The following CNBD1 variants were observed in gnomAD, a reference collection of about 807,000 sequenced individuals.
CNBD1 encodes cyclic nucleotide binding domain containing 1, also known as cyclic nucleotide-binding domain-containing protein 1.
In CNBD1, 71 loss-of-function variants were observed where a neutral mutation model predicts 54.4. The observed-to-expected ratio is 1.30, with a 90% confidence interval of 1.08 to 1.59. The LOEUF is 1.59. CNBD1 is among the 40% of genes most tolerant of loss of function. The pLI is 0.00. For missense variants in CNBD1, 659 were observed against 518.0 expected (o/e 1.27, Z -2.64); for synonymous variants, 182 against 170.7 (o/e 1.07, Z -0.51).
chr8:87,032,148 G>T (rs756977043), intron 4 of CNBD1, among the ~76,000 whole-genome samples: 7 of 152,124 alleles, frequency 4.6e-5, no homozygotes, highest in Non-Finnish European at 8.8e-5. Context: ...ACATTTAATG[G>T]TATGGATCTT....
chr8:87,359,706 G>C (rs1810491263), intron 10 of CNBD1, among the ~76,000 whole-genome samples: 1 of 152,010 alleles, frequency 6.6e-6, no homozygotes, highest in South Asian at 2.1e-4. Context: ...TCAAGAGAAA[G>C]TAAAATGAGT....
At chr8:87,033,027 A>G (rs1164286223) in intron 4 of CNBD1, among the ~76,000 whole-genome samples, 1 of 152,156 alleles carries the variant, frequency 6.6e-6, no homozygotes. Context: ...TGACTCTATC[A>G]TAAACCCTGT....
intron 2 of CNBD1, among the ~76,000 whole-genome samples, chr8:86,895,000 T>C (rs531072443): frequency 3.8e-4 from 58 of 152,282 alleles, no homozygotes; most frequent in African/African-American, 1.3e-3. Context: ...ATAGAGAAGA[T>C]AGAGAAAGAC....
rs7834790 is a variant in CNBD1, at chr8:87,317,152, C to T, written c.1042+30481C>T. The stretch of plus-strand genomic sequence containing the variant: ...TCTATTTATCTTCTCAAAGAAATAG[C>T]CTTGGTTTCATTAATTTTCTCCATT... On this transcript the variant is annotated intron_variant, in intron 8 of 10. Transcript: ENST00000518476. Among the ~76,000 whole-genome samples the T allele has an allele frequency of 3.9e-3, 587 of 151,738 alleles. 6 individuals carry two copies. The highest frequency in any genetic ancestry group is 0.014 in the African/African-American group (561 of 41,476).
At chr8:87,344,042 A>C (rs10094122) in intron 8 of CNBD1, among the ~76,000 whole-genome samples, 46,173 of 151,916 alleles carry the variant, frequency 0.3, 7,345 homozygotes, top group Middle Eastern at 0.41. Flanking sequence ...TAATGTATAG[A>C]ATGGTATGTA....
chr8:87,132,606 A>G (rs1477862728), intron 4 of CNBD1, among the ~76,000 whole-genome samples: 3 of 147,880 alleles, frequency 2.0e-5, no homozygotes, highest in Non-Finnish European at 4.5e-5. Flanking sequence ...ATATATCAAG[A>G]TATATATTTA....
chr8:87,407,526 C>G (rs1807671073), intron 2 of CNBD1, among the ~76,000 whole-genome samples: 1 of 151,864 alleles, frequency 6.6e-6, no homozygotes, highest in African/African-American at 2.4e-5. Flanking sequence ...AATGGAATTT[C>G]TAGATTATAA....
chr8:87,169,504 T>C (rs1813041372), intron 4 of CNBD1, among the ~76,000 whole-genome samples: 1 of 152,096 alleles, frequency 6.6e-6, no homozygotes, highest in Admixed American at 6.6e-5. Context: ...CTCGAGATTT[T>C]CACCAATGTT....
intron 2 of CNBD1, among the ~76,000 whole-genome samples, chr8:86,895,253 G>GGTGTGTGTGTGTGTGT (rs59497760): frequency 9.0e-5 from 13 of 144,918 alleles, no homozygotes; most frequent in African/African-American, 3.5e-4. Flanking sequence ...GTGTGTGCAT[G>GGTGTGTGTGTGTGTGT]GTGTGTGTGT....
intron 6 of CNBD1, among the ~76,000 whole-genome samples, chr8:87,258,348 CT>C (rs992168743): frequency 6.6e-6 from 1 of 152,036 alleles, no homozygotes. Flanking sequence ...TGCAAGCAGT[CT>C]GTCTTTTGTC....
At chr8:86,923,726 G>C (rs569329838) in intron 3 of CNBD1, among the ~76,000 whole-genome samples, 1 of 152,298 alleles carries the variant, frequency 6.6e-6, no homozygotes, top group Admixed American at 6.5e-5. Context: ...CTGCATGGTT[G>C]CTTTCATTTA....
chr8:87,253,599 C>G lies in CNBD1; in HGVS notation c.771+16487C>G, dbSNP rs112602800. 5.9e-5 allele frequency among the ~76,000 whole-genome samples: 9 copies of G among 152,240 alleles called. 1 individual carries two copies. The highest frequency in any genetic ancestry group is 2.2e-4 in the African/African-American group (9 of 41,544). On this transcript the variant is annotated intron_variant, in intron 6 of 10. Transcript: ENST00000518476. ...AGTACCCAAGTGCCATGTGGTATCT[C>G]TTTTCTGGTAGGTTCCTGACTGGTA...
At chr8:87,386,784 C>A (rs112657973), downstream of CNBD1, among the ~76,000 whole-genome samples, 2,861 of 152,186 alleles carry the variant, frequency 0.019, 90 homozygotes, top group African/African-American at 0.062. Context: ...TCAAGAAGAG[C>A]AACTCCAAGA....
intron 2 of CNBD1, among the ~76,000 whole-genome samples, chr8:87,408,079 C>T (rs1807680113): frequency 6.6e-6 from 1 of 151,960 alleles, no homozygotes; most frequent in Non-Finnish European, 1.5e-5. Flanking sequence ...TCTGTATTAT[C>T]TTCTAGATAT....
chr8:87,337,686 C>T (rs954651403), intron 8 of CNBD1, among the ~76,000 whole-genome samples: 2 of 152,204 alleles, frequency 1.3e-5, no homozygotes, highest in African/African-American at 4.8e-5. Context: ...AGCACACTCA[C>T]TCATTGCCTC....
rs1255564920 is a variant in CNBD1, at chr8:86,953,357, T to A, written c.431+13603T>A. On this transcript the variant is annotated intron_variant, in intron 4 of 10. Coordinates refer to ENST00000518476, the MANE Select transcript of CNBD1 (RefSeq NM_173538.3). Reference sequence around the variant, plus strand: ...GGTATAGATAATAATTGTCTATGAATGTCAAAATGTCCTATGGTAGTCACA... The same window carrying A: ...GGTATAGATAATAATTGTCTATGAAAGTCAAAATGTCCTATGGTAGTCACA... 3.9e-5 allele frequency among the ~76,000 whole-genome samples: 6 copies of A among 152,232 alleles called. No homozygotes were observed. In the East Asian group the frequency reaches 9.6e-4, roughly 24 times the overall value.
At chr8:86,923,185 C>T (rs921553579) in intron 3 of CNBD1, among the ~76,000 whole-genome samples, 13 of 152,132 alleles carry the variant, frequency 8.5e-5, no homozygotes, top group Admixed American at 3.3e-4. Context: ...GCAGGCGGCT[C>T]AAGGGCCCAG....
chr8:87,238,519 A>T (rs2130827293), intron 6 of CNBD1, among the ~76,000 whole-genome samples: 1 of 152,176 alleles, frequency 6.6e-6, no homozygotes, highest in South Asian at 2.1e-4. Context: ...ACTATCTCAA[A>T]TTTTACAGCT....
chr8:86,938,261 C>T (rs1403533705), intron 3 of CNBD1, among the ~76,000 whole-genome samples: 2 of 152,160 alleles, frequency 1.3e-5, no homozygotes, highest in Non-Finnish European at 2.9e-5. Flanking sequence ...CAGCATTTTG[C>T]TCAAAGCCAT....
Sources: gnomAD v4.1 joint callset for allele counts (sites outside exome capture counted in the v4.1 genomes callset) on GRCh38, gnomAD v4.1.1 for gene constraint, MANE v1.5 for transcripts, NCBI Gene and HGNC (gene_info 2026-07-23, HGNC 2026-07-21) for gene names.